ROS1: variants seen among roughly 807,000 people sequenced by gnomAD.
ROS1 encodes ROS proto-oncogene 1, receptor tyrosine kinase, also known as proto-oncogene tyrosine-protein kinase ROS.
Under a neutral mutation model 273.5 loss-of-function variants are expected in ROS1, and 263 were observed. The observed-to-expected ratio is 0.96, with a 90% CI of 0.87 to 1.06. ROS1 has a LOEUF of 1.06. Ranked by LOEUF, ROS1 falls within the 50% of genes least tolerant of loss-of-function variation. The probability of loss-of-function intolerance (pLI) is 0.00; values close to 1 mark genes in which losing one functional copy is unlikely to be tolerated. For synonymous variants in ROS1, 1,008 were observed against 954.1 expected (o/e 1.06, Z -1.04); for missense variants, 2,833 against 2,751.1 (o/e 1.03, Z -0.67).
At chr6:117,367,765 C>A (rs1215182981) in intron 18 of ROS1, among the ~76,000 whole-genome samples, 1 of 152,170 alleles carries the variant, frequency 6.6e-6, no homozygotes, top group African/African-American at 2.4e-5. Flanking sequence ...ACTAATAAAT[C>A]TGCATCTGGG....
chr6:117,301,334 C>T (rs1774710413), intron 42 of ROS1, 197 bp from the exon 43 acceptor site: 2 of 436,382 alleles, frequency 4.6e-6, no homozygotes, highest in East Asian at 7.9e-5. Context: ...TAGATAACAC[C>T]TTTCTTTTGA....
At chr6:117,371,897 A>G (rs940166610) in intron 18 of ROS1, among the ~76,000 whole-genome samples, 3 of 152,180 alleles carry the variant, frequency 2.0e-5, no homozygotes, top group African/African-American at 7.2e-5. Context: ...CATCCCCTAC[A>G]GCAGCCACAC....
chr6:117,414,304 T>A (rs1004355514), intron 4 of ROS1, among the ~76,000 whole-genome samples: 1 of 152,112 alleles, frequency 6.6e-6, no homozygotes, highest in Non-Finnish European at 1.5e-5. Context: ...AACATATATA[T>A]TATATACATG....
intron 7 of ROS1, among the ~76,000 whole-genome samples, chr6:117,400,168 C>T (rs986161662): frequency 1.6e-4 from 24 of 152,224 alleles, no homozygotes; most frequent in African/African-American, 5.5e-4. Context: ...GACACCTGGA[C>T]CTGCCCTTTT....
intron 18 of ROS1, among the ~76,000 whole-genome samples, chr6:117,378,735 T>A (rs1331619035): frequency 3.9e-5 from 6 of 152,118 alleles, no homozygotes; most frequent in Admixed American, 2.0e-4. Flanking sequence ...ATTTAAGACA[T>A]CACAGGAAGA....
chr6:117,389,918 C>T (rs1562353112), intron 12 of ROS1, 72 bp from the exon 13 acceptor site: 1 of 1,352,130 alleles, frequency 7.4e-7, no homozygotes. Context: ...CAGCTAATTG[C>T]TTCATTCTGT....
intron 10 of ROS1, 106 bp downstream of exon 10, chr6:117,394,510 A>T (rs1441230429): frequency 1.1e-6 from 1 of 947,252 alleles, no homozygotes; most frequent in East Asian, 3.0e-5. Context: ...TAGGATATTA[A>T]GAGAATATGT....
At chr6:117,400,680 C>T (rs1396276910) in intron 7 of ROS1, among the ~76,000 whole-genome samples, 1 of 152,118 alleles carries the variant, frequency 6.6e-6, no homozygotes, top group African/African-American at 2.4e-5. Context: ...ACCACAAGCT[C>T]CTGAGTCTCT....
intron 42 of ROS1, among the ~76,000 whole-genome samples, chr6:117,305,197 T>A (rs1357311510): frequency 6.6e-6 from 1 of 152,060 alleles, no homozygotes. Context: ...TTGGAACATA[T>A]CTCCCACAAA....
At chr6:117,382,442 GA>G (rs1191497843) in intron 17 of ROS1, among the ~76,000 whole-genome samples, 1 of 151,838 alleles carries the variant, frequency 6.6e-6, no homozygotes. Flanking sequence ...TATCTCTGCA[GA>G]AAAAAATGAC....
chr6:117,390,983 G>A (rs1773022020), intron 12 of ROS1, among the ~76,000 whole-genome samples: 2 of 152,208 alleles, frequency 1.3e-5, no homozygotes, highest in Admixed American at 6.5e-5. Context: ...GGAGAAAGGT[G>A]CTAACAGAAG....
intron 27 of ROS1, among the ~76,000 whole-genome samples, chr6:117,346,710 T>C (rs1424028719): frequency 6.6e-6 from 1 of 152,130 alleles, no homozygotes; most frequent in African/African-American, 2.4e-5. Context: ...CCTACCAAAG[T>C]AGTACATTTG....
chr6:117,303,893 C>T lies in ROS1; in HGVS notation c.6552-2756G>A, dbSNP rs539466611. ...ATTATAGGTATTGTATTTAAAATAG[C>T]TAGTATCCATTTGGGGAATTATAAT... On this transcript the variant is annotated intron_variant, in intron 42 of 43. Coordinates refer to ENST00000368507, the MANE Select transcript of ROS1 (RefSeq NM_001378902.1). Among the ~76,000 whole-genome samples the T allele has an allele frequency of 1.6e-3, 239 of 152,182 alleles. 2 individuals carry two copies. Among genetic ancestry groups the T allele is most frequent in the Non-Finnish European group, 2.5e-3 (171 of 68,016 alleles).
At chr6:117,365,872 A>C in intron 19 of ROS1, 131 bp from the exon 20 acceptor site, 1 of 924,808 alleles carries the variant, frequency 1.1e-6, no homozygotes, top group Non-Finnish European at 1.6e-6. Context: ...TCTTTAACAT[A>C]TCCTGAAAAA....
In ROS1 at chr6:117,399,318, G is replaced by A. The variant is rs1773762378; in HGVS notation, c.605-2202C>T. 2.0e-5 allele frequency among the ~76,000 whole-genome samples: 3 copies of A among 152,226 alleles called. No individual in the cohort carries two copies. In the South Asian group the frequency reaches 6.2e-4, roughly 32 times the overall value. ...GTTGGATAACATATGGCATTGCTTG[G>A]AACAAGGAAGAATTCATTCTCCTCT... On this transcript the variant is annotated intron_variant, in intron 7 of 43. Coordinates refer to ENST00000368507, the MANE Select transcript of ROS1 (RefSeq NM_001378902.1).
In ROS1 at chr6:117,342,535, C is replaced by A; in HGVS notation, c.4516G>T (p.Asp1506Tyr). ...AAATCTTCAATAAGAGCTATACTGT[C>A]CTGAAATTCCTGTAATTGATTTTTT... ...DLKYRILEFQ[D>Y]SIALIEDLQP... is the part of the protein sequence containing the mutation. Residue 1506 changes from aspartate to tyrosine, a missense_variant, in exon 29 of 44, where the codon GAC becomes TAC. By Grantham distance (160) the Asp-to-Tyr change is radical. Coordinates refer to ENST00000368507, the MANE Select transcript of ROS1 (RefSeq NM_001378902.1). 6.7e-7 allele frequency: 1 copy of A among 1,481,942 alleles called. No homozygotes were observed. The highest frequency in any genetic ancestry group is 9.0e-7 in the Non-Finnish European group (1 of 1,107,140). 91.8% of individuals were successfully genotyped at this position (1,481,942 alleles called of 1,614,324 possible). A position where few individuals can be genotyped will look rare whatever the true frequency, so the allele number is the denominator to read the frequency against.
At chr6:117,388,499 T>C (rs1772779863) in intron 13 of ROS1, among the ~76,000 whole-genome samples, 1 of 152,212 alleles carries the variant, frequency 6.6e-6, no homozygotes, top group African/African-American at 2.4e-5. Flanking sequence ...AAATACTTAC[T>C]ATCGTCTAGG....
At chr6:117,379,034 A>G (rs372574218) in intron 18 of ROS1, 25 bp downstream of exon 18, 4 of 1,364,240 alleles carry the variant, frequency 2.9e-6, no homozygotes, top group East Asian at 4.6e-5. Context: ...TTCTCAATCA[A>G]TTGCCTTTGA....
chr6:117,317,912 T>C (rs549911064), intron 38 of ROS1, among the ~76,000 whole-genome samples: 1 of 152,148 alleles, frequency 6.6e-6, no homozygotes, highest in Non-Finnish European at 1.5e-5. Flanking sequence ...AATACAAGCA[T>C]GTCAAAAGCC....
Sources: allele counts gnomAD v4.1 joint callset (sites outside exome capture counted in the v4.1 genomes callset), GRCh38; gene constraint gnomAD v4.1.1; transcripts MANE v1.5; gene names NCBI Gene and HGNC (gene_info 2026-07-23, HGNC 2026-07-21).